MOV10L1: variants seen among roughly 807,000 people sequenced by gnomAD.
The protein encoded by MOV10L1 is Mov10 like RNA helicase 1, also known as RNA helicase Mov10l1.
In MOV10L1, 110 loss-of-function variants were observed where a neutral mutation model predicts 143.8. That is an observed-to-expected ratio of 0.76 (90% CI 0.66 to 0.90). The LOEUF is 0.90. MOV10L1 is among the 40% of genes least tolerant of loss of function. The probability of loss-of-function intolerance (pLI) is 0.00; values close to 1 mark genes in which losing one functional copy is unlikely to be tolerated. For missense variants in MOV10L1, 1,406 were observed against 1,526.8 expected (o/e 0.92, Z 1.32); for synonymous variants, 593 against 581.1 (o/e 1.02, Z -0.29).
At chr22:50,095,968 A>G (rs1569266467) in intron 2 of MOV10L1, 1 of 152,156 alleles carries the variant, frequency 6.6e-6, no homozygotes, top group Non-Finnish European at 1.5e-5. Context: ...AGCCGTTCTC[A>G]CTTGATGGGA....
At chr22:50,125,358 G>A (rs778476209) in intron 10 of MOV10L1, 34 bp from the exon 11 acceptor site, 67 of 1,603,166 alleles carry the variant, frequency 4.2e-5, no homozygotes, top group Non-Finnish European at 5.1e-5. Flanking sequence ...CTGCTGAGCT[G>A]TTGCTGACTT....
chr22:50,124,657 A>G (rs1487236685), intron 10 of MOV10L1, among the ~76,000 whole-genome samples: 2 of 152,084 alleles, frequency 1.3e-5, no homozygotes, highest in Non-Finnish European at 2.9e-5. Flanking sequence ...TGGCCCCTCA[A>G]TGGGTTTTGC....
At position 50,090,202 on chromosome 22, in the gene MOV10L1, G is replaced by A. The variant is rs557570777; in HGVS notation, c.97+17G>A. ...TCGCGGAAGGTGGCTCGCGGGAGGCGGCTGGGAGGCGGGTCCCGGGCCCTC... is the reference window on the plus strand; with the variant it reads ...TCGCGGAAGGTGGCTCGCGGGAGGCAGCTGGGAGGCGGGTCCCGGGCCCTC... On this transcript the variant is annotated intron_variant, in intron 1 of 26. Transcript: ENST00000262794. 43 of 1,412,158 alleles carry A rather than the reference G, an allele frequency of 3.0e-5. No homozygotes were observed. Among genetic ancestry groups the A allele is most frequent in the South Asian group, 1.6e-4 (10 of 62,968 alleles). The allele number at this position is 1,412,158 out of a possible 1,614,324, so 87.5% of individuals were successfully genotyped here. A position where few individuals can be genotyped will look rare whatever the true frequency, so the allele number is the denominator to read the frequency against.
At chr22:50,110,307 GGC>G (rs1447745987) in intron 5 of MOV10L1, among the ~76,000 whole-genome samples, 1 of 151,988 alleles carries the variant, frequency 6.6e-6, no homozygotes, top group Non-Finnish European at 1.5e-5. Flanking sequence ...AAATTAGCCA[GGC>G]GTGGTGGCCG....
chr22:50,101,708 C>T (rs977300525), intron 3 of MOV10L1, among the ~76,000 whole-genome samples: 2 of 152,106 alleles, frequency 1.3e-5, no homozygotes, highest in East Asian at 1.9e-4. Context: ...CACGGGGTTT[C>T]GCCATGTTGG....
intron 3 of MOV10L1, among the ~76,000 whole-genome samples, chr22:50,104,784 T>C (rs1031917544): frequency 3.9e-5 from 6 of 152,186 alleles, no homozygotes; most frequent in South Asian, 2.1e-4. Context: ...TTTTGCAATA[T>C]GATCTTACTC....
chr22:50,147,759 C>G (rs2063191654), intron 19 of MOV10L1, among the ~76,000 whole-genome samples: 1 of 152,264 alleles, frequency 6.6e-6, no homozygotes, highest in African/African-American at 2.4e-5. Context: ...AACCTAAATA[C>G]TTACATTCTA....
chr22:50,146,934 C>A, intron 19 of MOV10L1: 2 of 816,864 alleles, frequency 2.4e-6, no homozygotes, highest in Non-Finnish European at 4.0e-6. Flanking sequence ...TAGAGCATGT[C>A]AGGTTTCAGA....
intron 5 of MOV10L1, among the ~76,000 whole-genome samples, chr22:50,110,010 G>A (rs941696246): frequency 3.9e-5 from 6 of 152,054 alleles, no homozygotes; most frequent in African/African-American, 1.4e-4. Flanking sequence ...TTACCCGGTT[G>A]TGGTGGCAGG....
At chr22:50,113,247 C>A (rs1473676048) in intron 5 of MOV10L1, among the ~76,000 whole-genome samples, 1 of 152,296 alleles carries the variant, frequency 6.6e-6, no homozygotes, top group South Asian at 2.1e-4. Context: ...AAAACTCTTT[C>A]CAAAGCAAGT....
chr22:50,103,539 C>A (rs549970729), intron 3 of MOV10L1, among the ~76,000 whole-genome samples: 2 of 152,282 alleles, frequency 1.3e-5, no homozygotes, highest in East Asian at 3.9e-4. Context: ...CAACCTAGAG[C>A]ATGTCCAGAT....
chr22:50,143,586 C>T (rs1212454405), intron 17 of MOV10L1, among the ~76,000 whole-genome samples: 1 of 152,176 alleles, frequency 6.6e-6, no homozygotes, highest in Non-Finnish European at 1.5e-5. Context: ...TGCTTCTTAA[C>T]TTTTGATGGG....
At chr22:50,091,925 C>T in intron 1 of MOV10L1, 76 bp from the exon 2 acceptor site, 2 of 1,442,210 alleles carry the variant, frequency 1.4e-6, no homozygotes, top group Middle Eastern at 1.8e-4. Flanking sequence ...TTGCACTCTG[C>T]CTTTCTCTGG....
intron 15 of MOV10L1, among the ~76,000 whole-genome samples, chr22:50,139,026 G>A (rs1036126007): frequency 6.6e-6 from 1 of 150,872 alleles, no homozygotes; most frequent in Non-Finnish European, 1.5e-5. Context: ...TTTTTAAGTA[G>A]CACCTAAATG....
intron 3 of MOV10L1, among the ~76,000 whole-genome samples, chr22:50,104,481 C>T (rs1402020320): frequency 6.6e-6 from 1 of 152,174 alleles, no homozygotes; most frequent in African/African-American, 2.4e-5. Flanking sequence ...CCCTCACAGC[C>T]GGAGCTACAG....
intron 22 of MOV10L1, among the ~76,000 whole-genome samples, chr22:50,156,406 A>G (rs6010148): frequency 0.63 from 96,248 of 152,072 alleles, 31,591 homozygotes; most frequent in Non-Finnish European, 0.72. Context: ...GTGAGCCACC[A>G]CGCCTGGACT....
Position 50,120,174 on chromosome 22 carries a change from G to A in MOV10L1, c.1455-328G>A, listed in dbSNP as rs537324734. Among the ~76,000 whole-genome samples, 23 of 152,304 alleles carry A rather than the reference G, an allele frequency of 1.5e-4. 2 individuals carry two copies. In the South Asian group the frequency reaches 4.6e-3, roughly 30 times the overall value. ...TGTCAAATATAGTAGGAAGAGCTTAGCTCATAGAATGTTAAAAACAGCTGT... is the reference window on the plus strand; with the variant it reads ...TGTCAAATATAGTAGGAAGAGCTTAACTCATAGAATGTTAAAAACAGCTGT... On this transcript the variant is annotated intron_variant, in intron 9 of 26. Transcript: ENST00000262794.
chr22:50,126,161 T>A, intron 11 of MOV10L1, 41 bp from the exon 12 acceptor site: 1 of 1,430,254 alleles, frequency 7.0e-7, no homozygotes, highest in Admixed American at 1.7e-5. Flanking sequence ...AATTTGTGAT[T>A]TTGTGTTAGC....
chr22:50,114,657 G>A (rs202189206), intron 7 of MOV10L1, 35 bp downstream of exon 7: 31 of 1,607,090 alleles, frequency 1.9e-5, no homozygotes, highest in African/African-American at 1.2e-4. Flanking sequence ...GCGTGAGGTC[G>A]GGTGGGCTGG....
Sources: allele counts gnomAD v4.1 joint callset (sites outside exome capture counted in the v4.1 genomes callset), GRCh38; gene constraint gnomAD v4.1.1; transcripts MANE v1.5; gene names NCBI Gene and HGNC (gene_info 2026-07-23, HGNC 2026-07-21).